The following MYO16 variants were observed in gnomAD, a reference collection of about 807,000 sequenced individuals.
MYO16 encodes unconventional myosin-XVI.
A neutral mutation model predicts 205.3 loss-of-function variants in MYO16; 94 were observed. That is an observed-to-expected ratio of 0.46 (90% CI 0.39 to 0.54). The LOEUF (loss-of-function observed/expected upper bound fraction) is 0.54, where lower values mean the gene tolerates loss of function less well. Ranked by LOEUF, MYO16 falls within the 20% of genes least tolerant of loss-of-function variation. MYO16 has a pLI of 0.00. For synonymous variants in MYO16, 988 were observed against 954.0 expected (o/e 1.04, Z -0.66); for missense variants, 2,315 against 2,387.5 (o/e 0.97, Z 0.63).
At chr13:108,784,363 T>C (rs960221903) in intron 4 of MYO16, among the ~76,000 whole-genome samples, 3 of 152,218 alleles carry the variant, frequency 2.0e-5, no homozygotes, top group Non-Finnish European at 2.9e-5. Context: ...ACTTGCTTTG[T>C]TCAGATAAAG....
chr13:108,506,026 GT>G, the MYO16 span, among the ~76,000 whole-genome samples: 1 of 152,034 alleles, frequency 6.6e-6, no homozygotes, highest in Non-Finnish European at 1.5e-5. Context: ...CTTTATGTCT[GT>G]TTTTATGCCA....
chr13:108,554,378 C>T, the MYO16 span, among the ~76,000 whole-genome samples: 1 of 152,164 alleles, frequency 6.6e-6, no homozygotes, highest in East Asian at 1.9e-4. Flanking sequence ...TTCATACATT[C>T]ATTTCCCTTG....
chr13:108,936,333 G>A (rs1594409108), intron 16 of MYO16, among the ~76,000 whole-genome samples: 2 of 151,944 alleles, frequency 1.3e-5, no homozygotes, highest in South Asian at 4.2e-4. Context: ...GTAAAAATTT[G>A]CTGTGAATCA....
intron 4 of MYO16, among the ~76,000 whole-genome samples, chr13:108,753,060 A>G (rs184918231): frequency 2.6e-3 from 398 of 152,070 alleles, no homozygotes; most frequent in Non-Finnish European, 4.6e-3. Flanking sequence ...CAAAAAGATA[A>G]TAATGAAAAT....
intron 4 of MYO16, among the ~76,000 whole-genome samples, chr13:108,770,949 T>C (rs1594280800): frequency 1.3e-5 from 2 of 152,154 alleles, no homozygotes; most frequent in African/African-American, 4.8e-5. Flanking sequence ...AATGATGAGG[T>C]TGGAAAGAGT....
intron 16 of MYO16, among the ~76,000 whole-genome samples, chr13:108,923,988 T>C (rs967704970): frequency 6.6e-6 from 1 of 152,232 alleles, no homozygotes; most frequent in African/African-American, 2.4e-5. Flanking sequence ...TGGTATCTTT[T>C]TACTATTGAA....
At chr13:109,101,078 C>T (rs574566616) in intron 28 of MYO16, among the ~76,000 whole-genome samples, 191 bp downstream of exon 28, 3 of 152,106 alleles carry the variant, frequency 2.0e-5, no homozygotes, top group Admixed American at 2.0e-4. Context: ...CATCTTGCAG[C>T]CAACATGAGA....
rs1010033515 is a variant in MYO16, at chr13:108,651,956, T to C, written c.29-13930T>C. ...GACTTCAGTGCTTAAGGAGGGGTTA[T>C]TTTTTTTAGGCTCTGGGGGAGTAGG... On this transcript the variant is annotated intron_variant, in intron 1 of 34. Coordinates refer to ENST00000457511, the MANE Select transcript of MYO16 (RefSeq NM_001198950.3). Among the ~76,000 whole-genome samples the C allele has an allele frequency of 2.0e-5, 3 of 151,970 alleles. No individual in the cohort carries two copies. In the South Asian group the frequency reaches 6.2e-4, roughly 32 times the overall value.
chr13:108,575,455 T>C, the MYO16 span, among the ~76,000 whole-genome samples: 3 of 152,196 alleles, frequency 2.0e-5, no homozygotes, highest in Non-Finnish European at 4.4e-5. Flanking sequence ...TCTAGATGGC[T>C]GAAGGAAAAG....
chr13:108,693,072 C>T (rs1882961189), intron 2 of MYO16, among the ~76,000 whole-genome samples: 1 of 152,096 alleles, frequency 6.6e-6, no homozygotes, highest in Non-Finnish European at 1.5e-5. Context: ...TACTGAAAAA[C>T]CTGAACAGGA....
chr13:108,909,046 A>T (rs923095790), intron 15 of MYO16, among the ~76,000 whole-genome samples: 1 of 134,728 alleles, frequency 7.4e-6, no homozygotes, highest in Non-Finnish European at 1.7e-5. Flanking sequence ...CTGATTATTC[A>T]TAATGATAAA....
At chr13:108,893,646 C>T (rs1880274229) in intron 14 of MYO16, among the ~76,000 whole-genome samples, 2 of 151,876 alleles carry the variant, frequency 1.3e-5, no homozygotes, top group African/African-American at 2.4e-5. Flanking sequence ...ACTAGGTGGC[C>T]CTAAGAGGAG....
At chr13:108,631,834 T>C (rs150570003) in intron 1 of MYO16, among the ~76,000 whole-genome samples, 5 of 152,226 alleles carry the variant, frequency 3.3e-5, no homozygotes, top group East Asian at 3.9e-4. Flanking sequence ...TCCCAGAACA[T>C]TGGGAGGCCA....
At chr13:108,879,875 C>G (rs770383498) in intron 12 of MYO16, among the ~76,000 whole-genome samples, 2 of 152,028 alleles carry the variant, frequency 1.3e-5, no homozygotes, top group Non-Finnish European at 2.9e-5. Flanking sequence ...GGGTATATGC[C>G]CAGTAATGGG....
At chr13:108,923,970 T>G (rs1881863933) in intron 16 of MYO16, among the ~76,000 whole-genome samples, 1 of 152,230 alleles carries the variant, frequency 6.6e-6, no homozygotes, top group African/African-American at 2.4e-5. Context: ...CTTTTTCCGT[T>G]TTGACATTGG....
the MYO16 span, among the ~76,000 whole-genome samples, chr13:108,521,807 TG>T: frequency 6.6e-6 from 1 of 152,136 alleles, no homozygotes; most frequent in Non-Finnish European, 1.5e-5. Flanking sequence ...ACAGAAGAAA[TG>T]GAGCATTAGA....
chr13:108,860,042 G>A (rs1352838016), intron 11 of MYO16, among the ~76,000 whole-genome samples: 1 of 151,882 alleles, frequency 6.6e-6, no homozygotes, highest in Non-Finnish European at 1.5e-5. Context: ...TTAGGTTTGG[G>A]TTGTAAAGGT....
rs534650907 is a variant in MYO16 at position 109,140,243 on chromosome 13, C to T, written c.4052-21C>T. On this transcript the variant is annotated intron_variant, in intron 31 of 34. Coordinates refer to ENST00000457511, the MANE Select transcript of MYO16 (RefSeq NM_001198950.3). The surrounding 1 kb of genome is among the most constrained non-coding windows in gnomAD (Gnocchi z 8.0). The stretch of plus-strand genomic sequence containing the variant: ...GTGGGCCTGGCCTGGCACCCACTGA[C>T]CGCGTCCTTTCCTGCCGCAGCTCTG... 36 of 1,596,936 alleles carry T rather than the reference C, an allele frequency of 2.3e-5. No individual in the cohort carries two copies. The African/African-American group carries it at 2.9e-4, about 13-fold the overall frequency.
the MYO16 span, among the ~76,000 whole-genome samples, chr13:108,534,265 T>C: frequency 6.6e-6 from 1 of 152,182 alleles, no homozygotes; most frequent in Non-Finnish European, 1.5e-5. Flanking sequence ...TAGAAACCAT[T>C]TCCCTCCCTT....
Sources: gnomAD v4.1 joint callset for allele counts (sites outside exome capture counted in the v4.1 genomes callset) on GRCh38, gnomAD v4.1.1 for gene constraint, Gnocchi (gnomAD v3.1) non-coding constraint, MANE v1.5 for transcripts, NCBI Gene and HGNC (gene_info 2026-07-23, HGNC 2026-07-21) for gene names.